Variants in PCDHA2 observed in about 807,000 individuals in gnomAD.
PCDHA2 encodes the protein protocadherin alpha 2.
Under a neutral mutation model 66.0 loss-of-function variants are expected in PCDHA2, and 58 were observed. That is an observed-to-expected ratio of 0.88 (90% CI 0.71 to 1.09). The LOEUF (loss-of-function observed/expected upper bound fraction) is 1.09, where lower values mean the gene tolerates loss of function less well. Ranked by LOEUF, PCDHA2 falls within the 50% of genes least tolerant of loss-of-function variation. The probability of loss-of-function intolerance (pLI) is 0.00; values close to 1 mark genes in which losing one functional copy is unlikely to be tolerated. For synonymous variants in PCDHA2, 634 were observed against 554.0 expected (o/e 1.14, Z -2.03); for missense variants, 1,267 against 1,242.3 (o/e 1.02, Z -0.30).
chr5:140,818,184 T>G (rs1256179739), intron 1 of PCDHA2, among the ~76,000 whole-genome samples: 2 of 152,254 alleles, frequency 1.3e-5, no homozygotes, highest in Admixed American at 6.5e-5. Flanking sequence ...TATTCTTCTG[T>G]GACTATAAGT....
intron 1 of PCDHA2, chr5:140,865,728 T>C (rs1052740962): frequency 5.3e-5 from 8 of 152,218 alleles, no homozygotes; most frequent in Admixed American, 4.6e-4. Flanking sequence ...AGCTGAGATG[T>C]GTATCTATTT....
At chr5:140,828,652 T>C (rs1357911961) in intron 1 of PCDHA2, 8 of 1,614,198 alleles carry the variant, frequency 5.0e-6, no homozygotes, top group South Asian at 1.1e-5. Flanking sequence ...TAAACAGTGA[T>C]GACAATAAAC....
chr5:140,828,562 G>T, intron 1 of PCDHA2: 2 of 1,614,232 alleles, frequency 1.2e-6, no homozygotes. Flanking sequence ...TGGAGGGCGC[G>T]TCCGATGCAG....
intron 1 of PCDHA2, among the ~76,000 whole-genome samples, chr5:140,906,601 A>G (rs1337843589): frequency 6.6e-6 from 1 of 152,156 alleles, no homozygotes; most frequent in Non-Finnish European, 1.5e-5. Flanking sequence ...TCTACTACTC[A>G]TTCTGTATTC....
intron 1 of PCDHA2, among the ~76,000 whole-genome samples, chr5:140,920,583 C>T (rs1287573835): frequency 1.3e-5 from 2 of 152,106 alleles, no homozygotes; most frequent in African/African-American, 4.8e-5. Flanking sequence ...CAGTGGCTCA[C>T]GCCTGTAATC....
intron 1 of PCDHA2, chr5:140,857,893 T>A (rs781996912): frequency 6.3e-7 from 1 of 1,596,578 alleles, no homozygotes; most frequent in South Asian, 1.1e-5. Flanking sequence ...CGGCGGCGGT[T>A]GGTGCACGCA....
At chr5:140,912,523 A>G (rs550105639) in intron 1 of PCDHA2, among the ~76,000 whole-genome samples, 1 of 152,248 alleles carries the variant, frequency 6.6e-6, no homozygotes, top group East Asian at 1.9e-4. Context: ...TAGGGTTTTC[A>G]GAGTACATGA....
chr5:140,801,635 A>C (rs781834713), intron 1 of PCDHA2: 12 of 1,614,064 alleles, frequency 7.4e-6, no homozygotes, highest in Non-Finnish European at 9.3e-6. Flanking sequence ...CCGAATCCCG[A>C]CAGCCTGGCT....
intron 1 of PCDHA2, among the ~76,000 whole-genome samples, chr5:140,837,759 C>T (rs1554136626): frequency 6.6e-6 from 1 of 151,774 alleles, no homozygotes; most frequent in Non-Finnish European, 1.5e-5. Context: ...CCACTGCAAC[C>T]TGAAAGTCCT....
chr5:140,967,955 A>C (rs1422637534), intron 1 of PCDHA2: 5 of 1,614,078 alleles, frequency 3.1e-6, no homozygotes, highest in Non-Finnish European at 4.2e-6. Flanking sequence ...CTCAGGCCCC[A>C]ACCGGAAAGT....
intron 1 of PCDHA2, among the ~76,000 whole-genome samples, chr5:140,884,922 T>C (rs1253595342): frequency 6.6e-6 from 1 of 152,246 alleles, no homozygotes; most frequent in African/African-American, 2.4e-5. Context: ...TAGTTCTAAG[T>C]ATTTATCTTG....
intron 1 of PCDHA2, chr5:140,857,774 G>T: frequency 6.3e-7 from 1 of 1,597,758 alleles, no homozygotes; most frequent in Non-Finnish European, 8.6e-7. Flanking sequence ...GGGCGGTGCA[G>T]TCAGTGAGCT....
At chr5:140,802,650 C>T (rs781790782) in intron 1 of PCDHA2, 1 of 1,613,686 alleles carries the variant, frequency 6.2e-7, no homozygotes, top group Non-Finnish European at 8.5e-7. Context: ...CGCGGACGCG[C>T]AGGAGAACGC....
intron 1 of PCDHA2, among the ~76,000 whole-genome samples, chr5:140,901,807 C>T (rs1227752610): frequency 6.6e-6 from 1 of 152,116 alleles, no homozygotes; most frequent in Non-Finnish European, 1.5e-5. Context: ...AACATTTTTA[C>T]AATATTGATT....
chr5:140,841,632 T>G lies in PCDHA2; in HGVS notation c.2388+44280T>G, dbSNP rs2150319799. On this transcript the variant is annotated intron_variant, in intron 1 of 3. Transcript: ENST00000526136. ...TGCGGGCGGAGCGCGGAGTGCAGCA[T>G]CCACCTGGAGGTGATCGTGGACAGG... is the stretch of plus-strand genomic sequence containing the variant. The G allele has an allele frequency of 8.1e-6, 13 of 1,614,152 alleles. No homozygotes were observed. In the Admixed American group the frequency reaches 1.8e-4, roughly 23 times the overall value.
intron 1 of PCDHA2, among the ~76,000 whole-genome samples, chr5:140,800,369 A>T (rs1246273888): frequency 6.6e-6 from 1 of 152,154 alleles, no homozygotes; most frequent in Non-Finnish European, 1.5e-5. Context: ...CATGGGAGGG[A>T]ATTACAGACA....
chr5:140,804,879 C>G, intron 1 of PCDHA2: 95 of 562,310 alleles, frequency 1.7e-4, no homozygotes, highest in East Asian at 2.8e-4. Context: ...TTTTTCTTGA[C>G]TCCTCTCCTT....
At chr5:140,852,795 A>C in intron 1 of PCDHA2, 1 of 977,366 alleles carries the variant, frequency 1.0e-6, no homozygotes, top group African/African-American at 1.8e-5. Context: ...GATGCTACAG[A>C]TGTCATTTGT....
intron 1 of PCDHA2, among the ~76,000 whole-genome samples, chr5:140,832,602 G>C (rs1385088779): frequency 1.3e-5 from 2 of 152,158 alleles, no homozygotes; most frequent in African/African-American, 4.8e-5. Context: ...CTATAGCGTT[G>C]CTAGTGAGTA....
Sources: gnomAD v4.1 joint callset for allele counts (sites outside exome capture counted in the v4.1 genomes callset) on GRCh38, gnomAD v4.1.1 for gene constraint, MANE v1.5 for transcripts, NCBI Gene and HGNC (gene_info 2026-07-23, HGNC 2026-07-21) for gene names.